Variants in ACSL6 observed in about 807,000 individuals in gnomAD.
ACSL6 encodes long-chain-fatty-acid--CoA ligase 6.
ACSL6 carries 47 observed loss-of-function variants against 98.2 expected under a neutral mutation model. That is an observed-to-expected ratio of 0.48 (90% CI 0.38 to 0.61). ACSL6 has a LOEUF of 0.61. Among genes scored for constraint, ACSL6 ranks in the 20% least tolerant of loss-of-function variants. The pLI, the probability that ACSL6 is intolerant of heterozygous loss-of-function variation, is 0.00. For synonymous variants in ACSL6, 362 were observed against 336.9 expected, an observed-to-expected ratio of 1.07 and a Z score of -0.82; for missense variants, 761 against 913.4, an observed-to-expected ratio of 0.83 and a Z score of 2.15.
intron 19 of ACSL6, 55 bp from the exon 20 acceptor site, chr5:131,959,662 G>A (rs140167072): frequency 6.4e-7 from 1 of 1,553,182 alleles, no homozygotes; most frequent in East Asian, 2.2e-5. Flanking sequence ...TCAAAATGGA[G>A]GTAGAGGAAA....
intron 8 of ACSL6, among the ~76,000 whole-genome samples, chr5:131,986,341 T>G (rs1446699141): frequency 6.6e-6 from 1 of 152,124 alleles, no homozygotes. Flanking sequence ...AATCCCCACA[T>G]GGCCCATCCC....
intron 5 of ACSL6, among the ~76,000 whole-genome samples, 172 bp from the exon 6 acceptor site, chr5:131,989,076 C>A (rs1265585838): frequency 6.6e-6 from 1 of 152,184 alleles, no homozygotes; most frequent in African/African-American, 2.4e-5. Context: ...CAGGCCTGTA[C>A]CAGAGAATTC....
chr5:131,954,177 G>A lies in ACSL6; in HGVS notation c.*57C>T. The A allele has an allele frequency of 6.8e-7, 1 of 1,477,634 alleles. No homozygotes were observed. The highest frequency in any genetic ancestry group is 9.0e-7 in the Non-Finnish European group (1 of 1,115,698). The allele number at this position is 1,477,634 out of a possible 1,614,324, so 91.5% of individuals were successfully genotyped here. On this transcript the variant is annotated 3_prime_UTR_variant, in exon 21 of 21. Coordinates refer to ENST00000651883, the MANE Select transcript of ACSL6 (RefSeq NM_001009185.3). The stretch of plus-strand genomic sequence containing the variant: ...TGTCATTTTGACTCATTACTTTCAA[G>A]AATAACTATAATATTGCTAGACAGT...
chr5:131,990,723 G>T, intron 3 of ACSL6, 130 bp downstream of exon 3: 1 of 775,432 alleles, frequency 1.3e-6, no homozygotes, highest in Non-Finnish European at 2.1e-6. Flanking sequence ...GCCAGGAGTA[G>T]CTTCTCTCCA....
chr5:131,966,352 G>T, intron 17 of ACSL6, 64 bp downstream of exon 17: 1 of 1,510,836 alleles, frequency 6.6e-7, no homozygotes, highest in Non-Finnish European at 9.2e-7. Context: ...CTGCCTCAGT[G>T]ACCCGGACCA....
chr5:131,958,186 TG>T (rs1752516616), intron 20 of ACSL6, among the ~76,000 whole-genome samples: 1 of 152,208 alleles, frequency 6.6e-6, no homozygotes, highest in Non-Finnish European at 1.5e-5. Context: ...CTGTGTGCCC[TG>T]GGACAGGTCC....
intron 20 of ACSL6, among the ~76,000 whole-genome samples, chr5:131,956,847 G>C (rs930911336): frequency 1.3e-5 from 2 of 152,058 alleles, no homozygotes; most frequent in African/African-American, 4.8e-5. Flanking sequence ...CATGAAACTG[G>C]AATTTCCATT....
At chr5:131,988,413 G>A in intron 6 of ACSL6, 187 bp from the exon 7 acceptor site, 1 of 1,305,736 alleles carries the variant, frequency 7.7e-7, no homozygotes, top group Non-Finnish European at 1.1e-6. Flanking sequence ...GCGGAACCAA[G>A]GGCAGAAGGC....
chr5:131,986,892 T>TTC (rs376758522), intron 7 of ACSL6, 38 bp from the exon 8 acceptor site: 30 of 1,606,750 alleles, frequency 1.9e-5, no homozygotes, highest in Non-Finnish European at 2.2e-5. Context: ...TGCTCAAAAG[T>TTC]TCTCTCTCTC....
intron 9 of ACSL6, chr5:131,982,974 T>C (rs1753983216): frequency 6.6e-6 from 1 of 152,176 alleles, no homozygotes; most frequent in Non-Finnish European, 1.5e-5. Flanking sequence ...GCATAGTGGG[T>C]ACTCACAAAA....
At chr5:131,969,409 C>T (rs1187160880) in intron 15 of ACSL6, among the ~76,000 whole-genome samples, 1 of 151,362 alleles carries the variant, frequency 6.6e-6, no homozygotes, top group Non-Finnish European at 1.5e-5. Context: ...AATCAATTTG[C>T]TGCTGGCAGA....
At chr5:131,954,503 G>T in intron 20 of ACSL6, 132 bp from the exon 21 acceptor site, 1 of 995,872 alleles carries the variant, frequency 1.0e-6, no homozygotes, top group South Asian at 2.3e-5. Context: ...TCAAAATTAT[G>T]TTGAGAACAT....
At chr5:131,995,078 A>T (rs184425649) in intron 1 of ACSL6, among the ~76,000 whole-genome samples, 1 of 152,274 alleles carries the variant, frequency 6.6e-6, no homozygotes, top group African/African-American at 2.4e-5. Flanking sequence ...GGGGACCAAC[A>T]TCTCCTGCCA....
At chr5:131,990,000 G>T in intron 4 of ACSL6, 100 bp downstream of exon 4, 1 of 1,248,302 alleles carries the variant, frequency 8.0e-7, no homozygotes, top group Non-Finnish European at 1.1e-6. Flanking sequence ...GGAAATAAAT[G>T]ACCCTCTGAG....
At chr5:131,988,027 C>A (rs141599569) in intron 7 of ACSL6, 21 bp downstream of exon 7, 4 of 1,607,978 alleles carry the variant, frequency 2.5e-6, no homozygotes, top group Non-Finnish European at 3.4e-6. Flanking sequence ...CCCAGCAAAC[C>A]GCCCAGAAGC....
chr5:131,975,884 G>A (rs1167968915), intron 10 of ACSL6: 1 of 985,444 alleles, frequency 1.0e-6, no homozygotes, highest in South Asian at 4.7e-5. Context: ...TCCTGACCTG[G>A]GCTCAGCCAC....
intron 1 of ACSL6, among the ~76,000 whole-genome samples, chr5:131,999,883 A>C (rs570785136): frequency 2.0e-5 from 3 of 152,226 alleles, no homozygotes; most frequent in African/African-American, 4.8e-5. Context: ...TGCAGTTCTG[A>C]AAGGGAGTTT....
intron 4 of ACSL6, 75 bp from the exon 5 acceptor site, chr5:131,989,583 CTTTTTTTTT>C (rs57391438): frequency 2.4e-3 from 440 of 180,348 alleles, no homozygotes; most frequent in South Asian, 4.0e-3. Context: ...AGGAGGAATT[CTTTTTTTTT>C]TTTTTTTTTT....
At chr5:131,982,879 C>T (rs1286898447) in intron 9 of ACSL6, 1 of 152,224 alleles carries the variant, frequency 6.6e-6, no homozygotes, top group African/African-American at 2.4e-5. Context: ...ATTGTAACTG[C>T]CTGATGACAC....
Sources: allele counts gnomAD v4.1 joint callset (sites outside exome capture counted in the v4.1 genomes callset), GRCh38; gene constraint gnomAD v4.1.1; transcripts MANE v1.5; gene names NCBI Gene and HGNC (gene_info 2026-07-23, HGNC 2026-07-21).